PHKB: variants seen among roughly 807,000 people sequenced by gnomAD.
PHKB encodes the protein phosphorylase b kinase regulatory subunit beta.
In PHKB, 122 loss-of-function variants were observed where a neutral mutation model predicts 152.1. That is an observed-to-expected ratio of 0.80 (90% CI 0.69 to 0.93). The LOEUF (loss-of-function observed/expected upper bound fraction) is 0.93. PHKB is among the 40% of genes least tolerant of loss of function. The pLI, the probability that PHKB is intolerant of heterozygous loss-of-function variation, is 0.00. For synonymous variants in PHKB, 436 were observed against 464.9 expected (o/e 0.94, Z 0.80); for missense variants, 1,304 against 1,328.4 (o/e 0.98, Z 0.29).
intron 13 of PHKB, among the ~76,000 whole-genome samples, chr16:47,608,041 T>C (rs1972359430): frequency 6.6e-6 from 1 of 152,202 alleles, no homozygotes; most frequent in Non-Finnish European, 1.5e-5. Flanking sequence ...TTTTTTCTTT[T>C]TATTATTATG....
At chr16:47,615,447 A>G (rs1972498449) in intron 14 of PHKB, among the ~76,000 whole-genome samples, 1 of 152,198 alleles carries the variant, frequency 6.6e-6, no homozygotes, top group South Asian at 2.1e-4. Flanking sequence ...CTAAAGACAG[A>G]TTGATTGGCC....
At chr16:47,650,966 A>C in intron 20 of PHKB, 45 bp downstream of exon 20, 1 of 1,261,554 alleles carries the variant, frequency 7.9e-7, no homozygotes, top group Non-Finnish European at 1.2e-6. Context: ...AGGACAGTTA[A>C]TCTACAATAC....
intron 14 of PHKB, among the ~76,000 whole-genome samples, chr16:47,626,121 T>C (rs1321411182): frequency 6.6e-6 from 1 of 152,222 alleles, no homozygotes; most frequent in Non-Finnish European, 1.5e-5. Flanking sequence ...CTTTCTAGTG[T>C]ATAAAACTGT....
Position 47,641,017 on chromosome 16 carries a change from C to A in PHKB, c.1459-18C>A. ...GATCTTTTAAAATGTTTTCCCCCTCCCTTATTCTGCATTACAGGGCCCACT... is the reference window on the plus strand; with the variant it reads ...GATCTTTTAAAATGTTTTCCCCCTCACTTATTCTGCATTACAGGGCCCACT... On this transcript the variant is annotated intron_variant, in intron 14 of 30. Transcript: ENST00000323584. The A allele has an allele frequency of 6.2e-7, 1 of 1,609,996 alleles. No individual in the cohort carries two copies. Among genetic ancestry groups the A allele is most frequent in the Non-Finnish European group, 8.5e-7 (1 of 1,176,312 alleles).
chr16:47,665,767 T>A, intron 25 of PHKB: 1 of 691,066 alleles, frequency 1.4e-6, no homozygotes, highest in Non-Finnish European at 2.7e-6. Context: ...TTCTGAATGG[T>A]CCTGCAGTCT....
intron 6 of PHKB, among the ~76,000 whole-genome samples, chr16:47,545,574 A>G (rs1971146329): frequency 6.6e-6 from 1 of 151,846 alleles, no homozygotes; most frequent in Admixed American, 6.6e-5. Context: ...ATGTGTCTTG[A>G]GGTTGCTCTT....
intron 1 of PHKB, among the ~76,000 whole-genome samples, chr16:47,469,968 A>G (rs1969736107): frequency 6.6e-6 from 1 of 152,342 alleles, no homozygotes; most frequent in East Asian, 1.9e-4. Flanking sequence ...TTTTCATGCT[A>G]TGATGACAGC....
intron 14 of PHKB, among the ~76,000 whole-genome samples, chr16:47,622,641 T>G (rs1972637184): frequency 6.6e-6 from 1 of 152,182 alleles, no homozygotes; most frequent in African/African-American, 2.4e-5. Flanking sequence ...ATCTGTGAAG[T>G]AGACTAGCCC....
At chr16:47,656,450 T>C (rs980598642) in intron 20 of PHKB, among the ~76,000 whole-genome samples, 2 of 152,230 alleles carry the variant, frequency 1.3e-5, no homozygotes, top group African/African-American at 4.8e-5. Flanking sequence ...CTTACAGTCA[T>C]CAGTAACCCA....
chr16:47,485,126 T>C lies in PHKB; in HGVS notation c.77-12273T>C, dbSNP rs147019897. Among the ~76,000 whole-genome samples, 636 of 152,350 alleles carry C rather than the reference T, an allele frequency of 4.2e-3. 6 individuals are homozygous for C. Among genetic ancestry groups the C allele is most frequent in the African/African-American group, 0.015 (606 of 41,578 alleles). ...CTGTATTTAGTCTTTCATAATCATATAGAACTACCTTATTCCTTAAACTGT... is the reference window on the plus strand; with the variant it reads ...CTGTATTTAGTCTTTCATAATCATACAGAACTACCTTATTCCTTAAACTGT... On this transcript the variant is annotated intron_variant, in intron 1 of 30. Coordinates refer to ENST00000323584, the MANE Select transcript of PHKB (RefSeq NM_000293.3).
chr16:47,638,190 G>A (rs1212846345), intron 14 of PHKB, among the ~76,000 whole-genome samples: 3 of 152,094 alleles, frequency 2.0e-5, no homozygotes, highest in Non-Finnish European at 4.4e-5. Context: ...AAGATGTTCA[G>A]AATCATTTGG....
intron 12 of PHKB, among the ~76,000 whole-genome samples, chr16:47,594,907 T>C (rs1307391712): frequency 1.3e-5 from 2 of 152,202 alleles, no homozygotes; most frequent in Non-Finnish European, 2.9e-5. Context: ...CATTCCTATC[T>C]CACATGAAAT....
chr16:47,556,611 GA>G (rs1234768688), intron 7 of PHKB, among the ~76,000 whole-genome samples: 24 of 152,192 alleles, frequency 1.6e-4, no homozygotes, highest in African/African-American at 5.8e-4. Flanking sequence ...GCATCCCAGG[GA>G]TGAAGCCCAC....
chr16:47,645,217 A>C (rs1597146615), intron 16 of PHKB, among the ~76,000 whole-genome samples: 1 of 147,146 alleles, frequency 6.8e-6, no homozygotes, highest in East Asian at 2.0e-4. Flanking sequence ...CTTTAGTTTA[A>C]TTAGATCCCA....
chr16:47,583,026 A>G (rs988926855), intron 8 of PHKB, among the ~76,000 whole-genome samples: 1 of 152,012 alleles, frequency 6.6e-6, no homozygotes, highest in Non-Finnish European at 1.5e-5. Context: ...TGAACTCCTT[A>G]CCTCAGGTGA....
At chr16:47,632,732 A>T (rs1025438319) in intron 14 of PHKB, among the ~76,000 whole-genome samples, 2 of 152,226 alleles carry the variant, frequency 1.3e-5, no homozygotes, top group Admixed American at 6.5e-5. Context: ...CAAGGAAAAG[A>T]AACACTATTA....
intron 26 of PHKB, among the ~76,000 whole-genome samples, chr16:47,681,586 T>C (rs1973856908): frequency 6.6e-6 from 1 of 152,068 alleles, no homozygotes; most frequent in Non-Finnish European, 1.5e-5. Flanking sequence ...GAGACTAGGA[T>C]TGCAACCCCT....
At chr16:47,539,104 T>G (rs2151666731) in intron 6 of PHKB, among the ~76,000 whole-genome samples, 1 of 152,344 alleles carries the variant, frequency 6.6e-6, no homozygotes, top group Non-Finnish European at 1.5e-5. Context: ...CGTTATTAAC[T>G]AAGAATTCAC....
intron 26 of PHKB, among the ~76,000 whole-genome samples, chr16:47,686,558 C>A (rs909396615): frequency 2.0e-5 from 3 of 152,110 alleles, no homozygotes; most frequent in African/African-American, 7.2e-5. Flanking sequence ...TAGTAGTATT[C>A]CCATTTGAAA....
Sources: gnomAD v4.1 joint callset for allele counts (sites outside exome capture counted in the v4.1 genomes callset) on GRCh38, gnomAD v4.1.1 for gene constraint, MANE v1.5 for transcripts, NCBI Gene and HGNC (gene_info 2026-07-23, HGNC 2026-07-21) for gene names.